MDGA2: variants seen among roughly 807,000 people sequenced by gnomAD.
MDGA2 encodes the protein MAM domain containing glycosylphosphatidylinositol anchor 2.
Under a neutral mutation model 117.8 loss-of-function variants are expected in MDGA2, and 40 were observed. The ratio of observed to expected loss-of-function variants is 0.34; its 90% CI spans 0.26 to 0.44. The LOEUF is 0.44. Among genes scored for constraint, MDGA2 ranks in the 20% least tolerant of loss-of-function variants. MDGA2 has a pLI of 1.00. For missense variants in MDGA2, 1,123 were observed against 1,250.6 expected (o/e 0.90, Z 1.54); for synonymous variants, 452 against 439.0 (o/e 1.03, Z -0.37).
chr14:47,200,955 G>A, intron 3 of MDGA2: 1 of 831,724 alleles, frequency 1.2e-6, no homozygotes, highest in Non-Finnish European at 2.1e-6. Flanking sequence ...ACTTCAACTT[G>A]TTTCTGTAGA....
At chr14:47,340,017 C>CTCTAAAGA (rs1376916315) in intron 1 of MDGA2, among the ~76,000 whole-genome samples, 1 of 152,020 alleles carries the variant, frequency 6.6e-6, no homozygotes, top group African/African-American at 2.4e-5. Context: ...AATATGTATG[C>CTCTAAAGA]TCTAAAGATA....
At chr14:47,544,249 A>G (rs1895412461) in intron 1 of MDGA2, among the ~76,000 whole-genome samples, 1 of 152,168 alleles carries the variant, frequency 6.6e-6, no homozygotes, top group Non-Finnish European at 1.5e-5. Flanking sequence ...AAGCTCCCTG[A>G]TTTTTAAAAA....
chr14:47,469,184 T>G (rs570808815), intron 1 of MDGA2, among the ~76,000 whole-genome samples: 1 of 152,210 alleles, frequency 6.6e-6, no homozygotes, highest in African/African-American at 2.4e-5. Context: ...TCTTTAAGTT[T>G]TAGGGTACAT....
At chr14:47,178,212 T>C (rs946578176) in intron 3 of MDGA2, among the ~76,000 whole-genome samples, 3 of 152,188 alleles carry the variant, frequency 2.0e-5, no homozygotes, top group Admixed American at 6.6e-5. Context: ...GTAACTGACA[T>C]GGCACTGTCA....
intron 8 of MDGA2, among the ~76,000 whole-genome samples, chr14:47,011,903 G>C (rs766585503): frequency 6.6e-6 from 1 of 151,946 alleles, no homozygotes; most frequent in Non-Finnish European, 1.5e-5. Flanking sequence ...TCTCTTTGCT[G>C]TTTTTCTTAA....
intron 1 of MDGA2, among the ~76,000 whole-genome samples, chr14:47,460,320 A>C (rs138317506): frequency 2.0e-5 from 3 of 152,156 alleles, no homozygotes; most frequent in Non-Finnish European, 4.4e-5. Context: ...AAAAAGAGTA[A>C]AGAAGGTTTG....
At chr14:47,417,315 T>C (rs527436364) in intron 1 of MDGA2, among the ~76,000 whole-genome samples, 1 of 152,300 alleles carries the variant, frequency 6.6e-6, no homozygotes, top group South Asian at 2.1e-4. Context: ...ACTCACAAAT[T>C]CTACCTTCCA....
intron 9 of MDGA2, among the ~76,000 whole-genome samples, chr14:46,921,237 C>T (rs907028810): frequency 6.6e-5 from 10 of 151,980 alleles, no homozygotes; most frequent in African/African-American, 1.9e-4. Flanking sequence ...TGTAGCTTCG[C>T]AATTCTTAAT....
At chr14:47,649,463 A>G (rs1897596226) in intron 1 of MDGA2, among the ~76,000 whole-genome samples, 1 of 152,114 alleles carries the variant, frequency 6.6e-6, no homozygotes. Context: ...ATCATTTCAC[A>G]AATTTATACA....
At chr14:47,477,220 TTC>T (rs1893862303) in intron 1 of MDGA2, among the ~76,000 whole-genome samples, 2 of 152,196 alleles carry the variant, frequency 1.3e-5, no homozygotes, top group African/African-American at 4.8e-5. Context: ...AATGAAATAA[TTC>T]ATGTAAAGTG....
chr14:47,553,738 G>C (rs1485890577), intron 1 of MDGA2, among the ~76,000 whole-genome samples: 1 of 68,352 alleles, frequency 1.5e-5, no homozygotes, highest in Admixed American at 1.7e-4. Flanking sequence ...ATAGGATATA[G>C]TTCATAATAG....
At chr14:46,904,489 G>A (rs909499317) in intron 10 of MDGA2, among the ~76,000 whole-genome samples, 10 of 151,998 alleles carry the variant, frequency 6.6e-5, no homozygotes, top group Non-Finnish European at 7.4e-5. Context: ...AAATTGGGTC[G>A]AATCTACAAA....
At position 47,354,293 on chromosome 14, in the gene MDGA2, G is replaced by C. The variant is rs139965153; in HGVS notation, c.281-52743C>G. Reference sequence around the variant, plus strand: ...ATTCAACATATAACCCATAGTCTGTGGGTTTTGGGGTACACACTGTGAAAA... The same window carrying C: ...ATTCAACATATAACCCATAGTCTGTCGGTTTTGGGGTACACACTGTGAAAA... On this transcript the variant is annotated intron_variant, in intron 1 of 16. Coordinates refer to ENST00000399232, the MANE Select transcript of MDGA2 (RefSeq NM_001113498.3). Among the ~76,000 whole-genome samples the C allele has an allele frequency of 1.1e-3, 162 of 152,196 alleles. 2 individuals are homozygous for C. The East Asian group carries it at 0.013, about 12-fold the overall frequency.
chr14:47,129,232 C>T (rs1882065713), intron 5 of MDGA2, among the ~76,000 whole-genome samples: 1 of 150,966 alleles, frequency 6.6e-6, no homozygotes, highest in Non-Finnish European at 1.5e-5. Flanking sequence ...TCTCCCAATG[C>T]TATAGCTCCC....
chr14:47,094,252 C>T (rs930950839), intron 6 of MDGA2, among the ~76,000 whole-genome samples: 1 of 151,834 alleles, frequency 6.6e-6, no homozygotes, highest in African/African-American at 2.4e-5. Flanking sequence ...TATGATTATG[C>T]AAATGTACAC....
chr14:46,988,314 C>G (rs1352322732), intron 8 of MDGA2, among the ~76,000 whole-genome samples: 1 of 151,734 alleles, frequency 6.6e-6, no homozygotes, highest in Non-Finnish European at 1.5e-5. Flanking sequence ...TGGATAGAAA[C>G]AAGAAGGGTT....
In MDGA2 at chr14:47,450,623, A is replaced by G. The variant is rs541799759; in HGVS notation, c.281-149073T>C. On this transcript the variant is annotated intron_variant, in intron 1 of 16. Coordinates refer to ENST00000399232, the MANE Select transcript of MDGA2 (RefSeq NM_001113498.3). ...CTTATTGCATCTATGAGAATTTATGAAGACATTTTTGAGAACTGACTACAA... is the reference window on the plus strand; with the variant it reads ...CTTATTGCATCTATGAGAATTTATGGAGACATTTTTGAGAACTGACTACAA... Among the ~76,000 whole-genome samples, 6 of 152,218 alleles carry G rather than the reference A, an allele frequency of 3.9e-5. No individual in the cohort carries two copies. In the East Asian group the frequency reaches 1.2e-3, roughly 29 times the overall value.
chr14:46,918,023 A>G (rs1349938918), intron 10 of MDGA2, among the ~76,000 whole-genome samples: 2 of 152,224 alleles, frequency 1.3e-5, no homozygotes, highest in Non-Finnish European at 2.9e-5. Flanking sequence ...GGTGCATAAA[A>G]GTAAAGGAAG....
At chr14:47,523,430 T>C (rs186255574) in intron 1 of MDGA2, among the ~76,000 whole-genome samples, 4 of 152,326 alleles carry the variant, frequency 2.6e-5, no homozygotes, top group Admixed American at 2.6e-4. Context: ...ATTTGGAGAA[T>C]GCCCTTAGTT....
Sources: allele counts gnomAD v4.1 joint callset (sites outside exome capture counted in the v4.1 genomes callset), GRCh38; gene constraint gnomAD v4.1.1; transcripts MANE v1.5; gene names NCBI Gene and HGNC (gene_info 2026-07-23, HGNC 2026-07-21).